The following SUSD1 variants were observed in gnomAD, a reference collection of about 807,000 sequenced individuals.
SUSD1 encodes sushi domain-containing protein 1.
Under a neutral mutation model 86.9 loss-of-function variants are expected in SUSD1, and 65 were observed. That is an observed-to-expected ratio of 0.75 (90% CI 0.61 to 0.92). SUSD1 has a LOEUF of 0.92. Ranked by LOEUF, SUSD1 falls within the 40% of genes least tolerant of loss-of-function variation. The pLI is 0.00. For synonymous variants in SUSD1, 346 were observed against 350.0 expected (o/e 0.99, Z 0.13); for missense variants, 850 against 929.7 (o/e 0.91, Z 1.11).
intron 3 of SUSD1, among the ~76,000 whole-genome samples, chr9:112,147,242 C>T (rs924492220): frequency 2.0e-5 from 3 of 152,218 alleles, no homozygotes; most frequent in African/African-American, 7.2e-5. Flanking sequence ...CGTGGTGGCT[C>T]ACGTCTGTAA....
intron 5 of SUSD1, among the ~76,000 whole-genome samples, chr9:112,139,249 C>G (rs773433364): frequency 6.6e-6 from 1 of 151,634 alleles, no homozygotes; most frequent in South Asian, 2.1e-4. Context: ...ACATTAATAC[C>G]GAACTGAACA....
At chr9:112,048,544 A>G (rs1356652335) in intron 15 of SUSD1, among the ~76,000 whole-genome samples, 3 of 152,176 alleles carry the variant, frequency 2.0e-5, no homozygotes, top group African/African-American at 7.2e-5. Flanking sequence ...CTCAGTAATC[A>G]TTCAGCCCAA....
In SUSD1 at chr9:112,135,458, T is replaced by C. The variant is rs546250963; in HGVS notation, c.706+6862A>G. Among the ~76,000 whole-genome samples the C allele has an allele frequency of 8.5e-5, 13 of 152,242 alleles. No individual in the cohort carries two copies. In the East Asian group the frequency reaches 2.1e-3, roughly 25 times the overall value. On this transcript the variant is annotated intron_variant, in intron 5 of 16. Coordinates refer to ENST00000374270, the MANE Select transcript of SUSD1 (RefSeq NM_022486.5). The stretch of plus-strand genomic sequence containing the variant: ...GGAGGTGATAGGGTGTGTAAAAGCA[T>C]GAATGTTAAGGGAAAAAAAGGGCTT...
At chr9:112,123,643 T>C (rs905340541) in intron 6 of SUSD1, among the ~76,000 whole-genome samples, 2 of 151,794 alleles carry the variant, frequency 1.3e-5, no homozygotes, top group African/African-American at 4.8e-5. Context: ...CTACTAAAAA[T>C]GCAAAAATTA....
chr9:112,163,689 G>C (rs1456856560), intron 1 of SUSD1, among the ~76,000 whole-genome samples: 1 of 151,844 alleles, frequency 6.6e-6, no homozygotes, highest in African/African-American at 2.4e-5. Context: ...AAGATGCAGA[G>C]ATTATATAGA....
chr9:112,057,568 C>T (rs559136018), intron 14 of SUSD1, among the ~76,000 whole-genome samples: 31 of 152,198 alleles, frequency 2.0e-4, no homozygotes, highest in Admixed American at 7.2e-4. Flanking sequence ...TGTCACAAAG[C>T]GCTGCTAGAC....
intron 12 of SUSD1, among the ~76,000 whole-genome samples, chr9:112,075,124 G>T (rs976508968): frequency 7.2e-5 from 11 of 152,166 alleles, no homozygotes; most frequent in African/African-American, 2.4e-4. Flanking sequence ...AAATGGAGAT[G>T]GAGTCGCTAT....
intron 12 of SUSD1, among the ~76,000 whole-genome samples, chr9:112,069,924 A>T (rs767147210): frequency 6.6e-6 from 1 of 152,092 alleles, no homozygotes; most frequent in Non-Finnish European, 1.5e-5. Context: ...TTCAATCAAC[A>T]TGTGACTTTG....
chr9:112,050,518 G>T (rs899064646), intron 15 of SUSD1, among the ~76,000 whole-genome samples: 3 of 152,158 alleles, frequency 2.0e-5, no homozygotes, highest in Non-Finnish European at 4.4e-5. Context: ...CCATTAAAAA[G>T]TGCTATCCAG....
At chr9:112,173,984 A>T (rs1280284694) in intron 1 of SUSD1, 1 of 187,584 alleles carries the variant, frequency 5.3e-6, no homozygotes, top group Admixed American at 5.9e-5. Flanking sequence ...CTGCACTGTA[A>T]CCTGTGGCTC....
chr9:112,130,611 GAAGGA>G (rs1007418146), intron 5 of SUSD1, among the ~76,000 whole-genome samples: 41 of 143,586 alleles, frequency 2.9e-4, no homozygotes, highest in Admixed American at 5.0e-4. Context: ...GAAAGGAAAG[GAAGGA>G]AAGGAAAGGA....
intron 10 of SUSD1, among the ~76,000 whole-genome samples, chr9:112,084,393 T>C (rs1829889210): frequency 6.6e-6 from 1 of 152,104 alleles, no homozygotes. Flanking sequence ...AGTCAAAGAA[T>C]AATATAAAAA....
At chr9:112,099,685 T>A (rs1016101153) in intron 9 of SUSD1, among the ~76,000 whole-genome samples, 1 of 152,128 alleles carries the variant, frequency 6.6e-6, no homozygotes. Context: ...TTAGGGTGCA[T>A]TAGCTGGTGG....
chr9:112,088,521 C>T (rs1272122505), intron 10 of SUSD1, among the ~76,000 whole-genome samples: 3 of 152,200 alleles, frequency 2.0e-5, no homozygotes, highest in Admixed American at 2.0e-4. Context: ...TGCAGTGGCT[C>T]AGACCTGTTA....
At chr9:112,083,254 GTCTC>G (rs1829841489) in intron 10 of SUSD1, among the ~76,000 whole-genome samples, 1 of 151,778 alleles carries the variant, frequency 6.6e-6, no homozygotes, top group Non-Finnish European at 1.5e-5. Context: ...TTGAGATGTA[GTCTC>G]TCTCTGTTTC....
chr9:112,157,692 G>T, intron 1 of SUSD1, 79 bp from the exon 2 acceptor site: 12 of 1,214,950 alleles, frequency 9.9e-6, no homozygotes, highest in Admixed American at 2.0e-5. Context: ...TTACAACGAA[G>T]AACCAAAATT....
chr9:112,101,477 T>A (rs1055769275), intron 9 of SUSD1, among the ~76,000 whole-genome samples: 3 of 152,234 alleles, frequency 2.0e-5, no homozygotes, highest in Non-Finnish European at 1.5e-5. Context: ...CTGAATTTAC[T>A]TACAATTTTA....
rs535934686 is a variant in SUSD1 at position 112,092,499 on chromosome 9, A to C, written c.1474+5971T>G. ...ATGCAATGGTTCCCTTTCTGGCTGGATGGGAAAACTCAAACCTAAATTTTA... is the reference window on the plus strand; with the variant it reads ...ATGCAATGGTTCCCTTTCTGGCTGGCTGGGAAAACTCAAACCTAAATTTTA... On this transcript the variant is annotated intron_variant, in intron 10 of 16. Coordinates refer to ENST00000374270, the MANE Select transcript of SUSD1 (RefSeq NM_022486.5). Among the ~76,000 whole-genome samples the C allele has an allele frequency of 4.6e-5, 7 of 152,258 alleles. No individual in the cohort carries two copies. The East Asian group carries it at 1.2e-3, about 25-fold the overall frequency.
At chr9:112,170,706 T>TAGAGAGAGAG (rs765076866) in intron 1 of SUSD1, among the ~76,000 whole-genome samples, 2 of 88,308 alleles carry the variant, frequency 2.3e-5, no homozygotes, top group Non-Finnish European at 4.4e-5. Context: ...TATATATATA[T>TAGAGAGAGAG]ATATAGAGAG....
Sources: allele counts gnomAD v4.1 joint callset (sites outside exome capture counted in the v4.1 genomes callset), GRCh38; gene constraint gnomAD v4.1.1; transcripts MANE v1.5; gene names NCBI Gene and HGNC (gene_info 2026-07-23, HGNC 2026-07-21).